GLI2: variants seen among roughly 807,000 people sequenced by gnomAD.
GLI2 encodes GLI family zinc finger 2, also known as transcription activator GLI2.
Under a neutral mutation model 78.9 loss-of-function variants are expected in GLI2, and 22 were observed. The observed-to-expected ratio is 0.28, with a 90% CI of 0.20 to 0.40. The LOEUF (loss-of-function observed/expected upper bound fraction) is 0.40, where lower values mean the gene tolerates loss of function less well. Among genes scored for constraint, GLI2 ranks in the 10% least tolerant of loss-of-function variants. GLI2 has a pLI of 1.00. For synonymous variants in GLI2, 974 were observed against 963.7 expected (o/e 1.01, Z -0.20); for missense variants, 2,097 against 2,213.2 (o/e 0.95, Z 1.05).
In GLI2 at chr2:120,856,533, T is replaced by G. The variant is rs1687652159; in HGVS notation, c.148+59065T>G. 2.0e-5 allele frequency among the ~76,000 whole-genome samples: 3 copies of G among 152,120 alleles called. No homozygotes were observed. In the South Asian group the frequency reaches 6.2e-4, roughly 32 times the overall value. ...AGTGGACCTGCCCACCGCCCCGATC[T>G]CCACTGCCTGTAGACTTTGCAGTGT... On this transcript the variant is annotated intron_variant, in intron 2 of 13. Transcript: ENST00000361492.
intron 1 of GLI2, among the ~76,000 whole-genome samples, chr2:120,788,538 G>C (rs755119037): frequency 6.6e-6 from 1 of 152,230 alleles, no homozygotes; most frequent in Non-Finnish European, 1.5e-5. Context: ...AAGTCCTCCT[G>C]ATACTCATCA....
At chr2:120,852,704 C>T (rs1687467923) in intron 2 of GLI2, among the ~76,000 whole-genome samples, 2 of 152,226 alleles carry the variant, frequency 1.3e-5, no homozygotes, top group African/African-American at 4.8e-5. Flanking sequence ...ATTATAGGTT[C>T]ATTCCTTTGG....
rs1558888744 is a variant in GLI2 at position 120,927,414 on chromosome 2, C to A, written c.202C>A (p.His68Asn). The part of the protein sequence containing the change: ...FHAPLPIDMR[H>N]QEGRYHYEPH... The stretch of plus-strand genomic sequence containing the variant: ...TGCGCCCCTACCGATTGACATGCGA[C>A]ACCAGGAAGGAAGGTACCATTACGA... The change falls in exon 3 of 14, where the codon CAC becomes AAC. Residue 68 changes from histidine (H) to asparagine (N), a missense_variant. His to Asn is a moderately conservative substitution (Grantham distance 68). Coordinates refer to ENST00000361492, the MANE Select transcript of GLI2 (RefSeq NM_001374353.1). 1 of 1,613,936 alleles carries A rather than the reference C, an allele frequency of 6.2e-7. No individual in the cohort carries two copies. The highest frequency in any genetic ancestry group is 8.5e-7 in the Non-Finnish European group (1 of 1,179,914).
At chr2:120,897,749 A>T (rs1678050390) in intron 2 of GLI2, among the ~76,000 whole-genome samples, 1 of 152,196 alleles carries the variant, frequency 6.6e-6, no homozygotes, top group Non-Finnish European at 1.5e-5. Flanking sequence ...TTAGAGACTC[A>T]GTTTCCCTTT....
chr2:120,873,546 T>G lies in GLI2; in HGVS notation c.149-53815T>G, dbSNP rs1378295436. Among the ~76,000 whole-genome samples, 4 of 152,338 alleles carry G rather than the reference T, an allele frequency of 2.6e-5. No homozygotes were observed. In the South Asian group the frequency reaches 8.3e-4, roughly 32 times the overall value. ...GCCTCTGGACACCCACAGTGTCTAT[T>G]CAAGAGAGAAGAAGAGTGAAAAACA... On this transcript the variant is annotated intron_variant, in intron 2 of 13. Coordinates refer to ENST00000361492, the MANE Select transcript of GLI2 (RefSeq NM_001374353.1).
intron 1 of GLI2, among the ~76,000 whole-genome samples, chr2:120,782,400 CA>C (rs1307797528): frequency 2.0e-5 from 3 of 152,130 alleles, no homozygotes; most frequent in East Asian, 3.8e-4. Flanking sequence ...GTGTGGGGTG[CA>C]GTACTAGATG....
In GLI2 at chr2:120,991,366, T is replaced by G. The variant is rs774534580; in HGVS notation, c.*691T>G. ...CAAGTATATATGAATGAATAAAGTA[T>G]GTAAGTATCACCAGAAAAAGGAAAG... On this transcript the variant is annotated 3_prime_UTR_variant, in exon 14 of 14. Transcript: ENST00000361492. 1 of 152,666 alleles carries G rather than the reference T, an allele frequency of 6.6e-6. No homozygotes were observed. Among genetic ancestry groups the G allele is most frequent in the Non-Finnish European group, 1.5e-5 (1 of 68,104 alleles). 9.5% of individuals were successfully genotyped at this position (152,666 alleles called of 1,614,324 possible). A position where few individuals can be genotyped will look rare whatever the true frequency, so the allele number is the denominator to read the frequency against.
intron 2 of GLI2, among the ~76,000 whole-genome samples, chr2:120,826,680 C>A (rs1187516019): frequency 1.3e-5 from 2 of 152,194 alleles, no homozygotes; most frequent in East Asian, 1.9e-4. Flanking sequence ...ATGTACTCTG[C>A]GTCACACAGG....
intron 5 of GLI2, among the ~76,000 whole-genome samples, chr2:120,960,975 A>G (rs2104985815): frequency 6.6e-6 from 1 of 152,346 alleles, no homozygotes; most frequent in East Asian, 1.9e-4. Context: ...AACCGAGGTC[A>G]TCATTCTGCT....
At chr2:120,816,194 T>TTC (rs1177837193) in intron 2 of GLI2, among the ~76,000 whole-genome samples, 2 of 144,900 alleles carry the variant, frequency 1.4e-5, no homozygotes, top group East Asian at 3.9e-4. Context: ...CCAAAGAGCT[T>TTC]TTTTTTTTTT....
At chr2:120,857,339 ATCTG>A (rs1158748025) in intron 2 of GLI2, among the ~76,000 whole-genome samples, 1 of 86,654 alleles carries the variant, frequency 1.2e-5, no homozygotes, top group Non-Finnish European at 2.2e-5. Flanking sequence ...CCACCTACCC[ATCTG>A]CCCACCCACC....
At position 120,988,374 on chromosome 2, in the gene GLI2, C is replaced by G; in HGVS notation, c.2409C>G (p.Ser803Arg). 6.4e-7 allele frequency: 1 copy of G among 1,569,554 alleles called. No individual in the cohort carries two copies. ...TSTVSSAYTV[S>R]RRSSGISPYF... is the part of the protein sequence containing the mutation. ...CGGTCAGCTCGGCCTACACCGTGAG[C>G]CGCCGCTCCTCCGGCATCTCCCCCT... The change falls in exon 14 of 14, where the codon AGC (serine) becomes AGG (arginine). Residue 803 changes from serine to arginine, a missense_variant. Ser to Arg is a moderately radical substitution (Grantham distance 110, BLOSUM62 -1). Transcript: ENST00000361492.
At chr2:120,892,106 T>C (rs1329082384) in intron 2 of GLI2, among the ~76,000 whole-genome samples, 2 of 152,184 alleles carry the variant, frequency 1.3e-5, no homozygotes, top group African/African-American at 4.8e-5. Flanking sequence ...TTAAAAGCAC[T>C]GTCCCATTGT....
At chr2:120,759,807 G>A (rs887313796) in intron 1 of GLI2, among the ~76,000 whole-genome samples, 2 of 152,268 alleles carry the variant, frequency 1.3e-5, no homozygotes, top group South Asian at 2.1e-4. Context: ...ATTTTCAGGT[G>A]ACCGGCTTCC....
At chr2:120,961,683 G>A (rs986178688) in intron 5 of GLI2, among the ~76,000 whole-genome samples, 2 of 152,166 alleles carry the variant, frequency 1.3e-5, no homozygotes, top group Admixed American at 1.3e-4. Flanking sequence ...GGGCATTAAG[G>A]TCCTCAGGTC....
At chr2:120,899,332 G>A (rs1485686980) in intron 2 of GLI2, among the ~76,000 whole-genome samples, 2 of 152,170 alleles carry the variant, frequency 1.3e-5, no homozygotes, top group African/African-American at 4.8e-5. Context: ...CACTTTAGGG[G>A]TTTGCTTCCA....
At chr2:120,953,813 T>C (rs1278248584) in intron 4 of GLI2, among the ~76,000 whole-genome samples, 2 of 152,090 alleles carry the variant, frequency 1.3e-5, no homozygotes, top group South Asian at 2.1e-4. Context: ...ATCGCACCAC[T>C]GCACTTCAGC....
At chr2:120,900,041 G>A (rs2592599) in intron 2 of GLI2, among the ~76,000 whole-genome samples, 21 of 152,312 alleles carry the variant, frequency 1.4e-4, no homozygotes, top group African/African-American at 3.6e-4. Flanking sequence ...GCTGCCGGCC[G>A]GGGGCCACAC....
intron 2 of GLI2, among the ~76,000 whole-genome samples, chr2:120,841,124 T>A (rs6541742): frequency 0.18 from 27,120 of 152,120 alleles, 2,629 homozygotes; most frequent in Middle Eastern, 0.26. Flanking sequence ...AAATTAAAGG[T>A]AGAAAATGAA....
Sources: gnomAD v4.1 joint callset for allele counts (sites outside exome capture counted in the v4.1 genomes callset) on GRCh38, gnomAD v4.1.1 for gene constraint, MANE v1.5 for transcripts, NCBI Gene and HGNC (gene_info 2026-07-23, HGNC 2026-07-21) for gene names.